Variants in LMF1 observed in about 807,000 individuals in gnomAD.
The protein encoded by LMF1 is transmembrane protein 112.
Under a neutral mutation model 60.6 loss-of-function variants are expected in LMF1, and 68 were observed. That is an observed-to-expected ratio of 1.12 (90% CI 0.92 to 1.37). The LOEUF is 1.37. Ranked by LOEUF, LMF1 falls within the 40% of genes most tolerant of loss-of-function variation. LMF1 has a pLI of 0.00. For synonymous variants in LMF1, 418 were observed against 324.7 expected, an observed-to-expected ratio of 1.29 and a Z score of -3.09; for missense variants, 948 against 767.2, an observed-to-expected ratio of 1.24 and a Z score of -2.78.
intron 10 of LMF1, among the ~76,000 whole-genome samples, chr16:857,020 G>C (rs1269635400): frequency 2.0e-5 from 3 of 152,256 alleles, no homozygotes; most frequent in Non-Finnish European, 2.9e-5. Flanking sequence ...AGAATGAGTG[G>C]AACCCTGCGG....
At chr16:855,063 G>A in intron 10 of LMF1, 1 of 366,474 alleles carries the variant, frequency 2.7e-6, no homozygotes, top group South Asian at 2.8e-5. Flanking sequence ...CCCAGTTTGA[G>A]CCCCAAGTGT....
chr16:875,092 CAG>C (rs2069934836), intron 6 of LMF1, among the ~76,000 whole-genome samples: 1 of 152,142 alleles, frequency 6.6e-6, no homozygotes, highest in Admixed American at 6.5e-5. Flanking sequence ...GTCCTGGACA[CAG>C]TGTGGGGCTG....
At chr16:946,014 G>C (rs1429133720) in intron 2 of LMF1, among the ~76,000 whole-genome samples, 1 of 152,208 alleles carries the variant, frequency 6.6e-6, no homozygotes, top group African/African-American at 2.4e-5. Context: ...GGAAACAGCT[G>C]ACATGGACAC....
intron 5 of LMF1, among the ~76,000 whole-genome samples, chr16:882,207 G>C (rs1032502716): frequency 6.6e-6 from 1 of 152,236 alleles, no homozygotes; most frequent in African/African-American, 2.4e-5. Context: ...AAATGTAACA[G>C]ACATGGGGCT....
rs944654894 is a variant in LMF1, at chr16:855,756, G to T, written c.1530-1050C>A. ...TGGCCCCTGGAATGAGCCCAGGCAG[G>T]TGCCAGAGGCTTCACACTGCACCAG... On this transcript the variant is annotated intron_variant, in intron 10 of 10. Transcript: ENST00000262301. 7.2e-5 allele frequency: 33 copies of T among 455,926 alleles called. No homozygotes were observed. In the Admixed American group the frequency reaches 7.8e-4, roughly 11 times the overall value. The allele number at this position is 455,926 out of a possible 1,614,324, so 28.2% of individuals were successfully genotyped here.
At chr16:900,470 C>A (rs1346248201) in intron 4 of LMF1, 1 of 152,020 alleles carries the variant, frequency 6.6e-6, no homozygotes, top group Non-Finnish European at 1.5e-5. Context: ...TGAGTTTGGA[C>A]ATCTTATTTT....
chr16:903,256 T>C (rs1391399915), intron 4 of LMF1: 2 of 33,234 alleles, frequency 6.0e-5, no homozygotes, highest in Non-Finnish European at 9.8e-5. Flanking sequence ...GACGCCTGTC[T>C]CTGCTGCGTG....
chr16:882,793 GAGA>G (rs1052561327), intron 5 of LMF1, among the ~76,000 whole-genome samples: 4 of 151,096 alleles, frequency 2.6e-5, no homozygotes, highest in Admixed American at 6.6e-5. Context: ...GCAGGACCAG[GAGA>G]AGGAGGAGCC....
In LMF1 at chr16:874,989, G is replaced by A. The variant is rs992217743; in HGVS notation, c.898-3648C>T. Among the ~76,000 whole-genome samples, 6 of 152,178 alleles carry A rather than the reference G, an allele frequency of 3.9e-5. No homozygotes were observed. Among genetic ancestry groups the A allele is most frequent in the Admixed American group, 1.3e-4 (2 of 15,282 alleles). ...TGCCTGTGAGGGGGCAGGATACATC[G>A]CAGCCGGGACTGCCGGCCGACCATC... On this transcript the variant is annotated intron_variant, in intron 6 of 10. Transcript: ENST00000262301. This position sits in a 1 kb window ranked among gnomAD's most constrained non-coding sequence, Gnocchi z 4.1.
At chr16:973,959 G>A (rs1327876533), upstream of LMF1, among the ~76,000 whole-genome samples, 1 of 150,052 alleles carries the variant, frequency 6.7e-6, no homozygotes, top group East Asian at 2.0e-4. Context: ...GCAGTGAGCC[G>A]AGATCGTGCC....
At chr16:879,768 T>C (rs777559859) in intron 5 of LMF1, 31 bp from the exon 6 acceptor site, 3 of 1,551,538 alleles carry the variant, frequency 1.9e-6, no homozygotes, top group Non-Finnish European at 2.6e-6. Context: ...GTGAGGTGCC[T>C]GGCCGATCTC....
intron 6 of LMF1, among the ~76,000 whole-genome samples, chr16:876,174 C>T (rs757162742): frequency 5.9e-5 from 9 of 152,236 alleles, no homozygotes; most frequent in Admixed American, 1.3e-4. Flanking sequence ...GGACCACGGG[C>T]GTCTCGGAAC....
chr16:914,289 C>T (rs1221062463), intron 3 of LMF1, among the ~76,000 whole-genome samples: 1 of 152,130 alleles, frequency 6.6e-6, no homozygotes, highest in Non-Finnish European at 1.5e-5. Flanking sequence ...AGTACAAACC[C>T]TTCCAGCACC....
chr16:919,983 G>C (rs2071390125), intron 3 of LMF1, among the ~76,000 whole-genome samples: 1 of 152,198 alleles, frequency 6.6e-6, no homozygotes, highest in South Asian at 2.1e-4. Context: ...TGCTGGACAG[G>C]ACATCCACAC....
chr16:894,461 T>C (rs2070605151), intron 4 of LMF1, among the ~76,000 whole-genome samples: 1 of 144,550 alleles, frequency 6.9e-6, no homozygotes, highest in Non-Finnish European at 1.5e-5. Context: ...CCCATCCCCC[T>C]GTCCACCCGA....
chr16:875,401 T>C (rs1030970462), intron 6 of LMF1, among the ~76,000 whole-genome samples: 1 of 152,134 alleles, frequency 6.6e-6, no homozygotes, highest in Non-Finnish European at 1.5e-5. Context: ...GGTTCCTGCG[T>C]TCTGAATAAA....
intron 2 of LMF1, among the ~76,000 whole-genome samples, chr16:950,449 T>A (rs1165957558): frequency 2.2e-4 from 16 of 72,316 alleles, no homozygotes; most frequent in South Asian, 5.2e-4. Flanking sequence ...AACGACAGAG[T>A]CAGCCAACGA....
upstream of LMF1, among the ~76,000 whole-genome samples, chr16:974,467 G>A (rs1292180847): frequency 6.6e-6 from 1 of 152,208 alleles, no homozygotes. Context: ...GAGTGGAGAT[G>A]AGGCTCGGCC....
At chr16:890,014 A>G (rs1037319736) in intron 5 of LMF1, among the ~76,000 whole-genome samples, 7 of 151,404 alleles carry the variant, frequency 4.6e-5, no homozygotes, top group Non-Finnish European at 7.4e-5. Flanking sequence ...TGTCCCTAAA[A>G]CCCCACCCCA....
Sources: gnomAD v4.1 joint callset for allele counts (sites outside exome capture counted in the v4.1 genomes callset) on GRCh38, gnomAD v4.1.1 for gene constraint, Gnocchi (gnomAD v3.1) non-coding constraint, MANE v1.5 for transcripts, NCBI Gene and HGNC (gene_info 2026-07-23, HGNC 2026-07-21) for gene names.